GLT1D1: variants seen among roughly 807,000 people sequenced by gnomAD.
The protein encoded by GLT1D1 is glycosyltransferase 1 domain-containing protein 1.
In GLT1D1, 21 loss-of-function variants were observed where a neutral mutation model predicts 28.7. That is an observed-to-expected ratio of 0.73 (90% CI 0.52 to 1.05). GLT1D1 has a LOEUF of 1.05. Among genes scored for constraint, GLT1D1 ranks in the 50% least tolerant of loss-of-function variants. The pLI, the probability that GLT1D1 is intolerant of heterozygous loss-of-function variation, is 0.00. For missense variants in GLT1D1, 343 were observed against 330.6 expected, an observed-to-expected ratio of 1.04 and a Z score of -0.29; for synonymous variants, 147 against 124.8, an observed-to-expected ratio of 1.18 and a Z score of -1.19.
At chr12:128,948,083 G>A (rs1593175764) in intron 6 of GLT1D1, among the ~76,000 whole-genome samples, 1 of 152,144 alleles carries the variant, frequency 6.6e-6, no homozygotes, top group Non-Finnish European at 1.5e-5. Context: ...AGGCTGGAGT[G>A]GGAAGGCCGT....
At chr12:128,931,627 A>G (rs947034388) in intron 4 of GLT1D1, among the ~76,000 whole-genome samples, 3 of 152,098 alleles carry the variant, frequency 2.0e-5, no homozygotes, top group South Asian at 4.2e-4. Context: ...CTACTTCTCT[A>G]TGGAACACGG....
At chr12:128,894,880 T>TTATA (rs146781273) in intron 3 of GLT1D1, among the ~76,000 whole-genome samples, 54 of 148,480 alleles carry the variant, frequency 3.6e-4, no homozygotes, top group East Asian at 7.8e-4. Flanking sequence ...ATATTAAAAA[T>TTATA]TATATATATA....
intron 3 of GLT1D1, among the ~76,000 whole-genome samples, chr12:128,890,062 C>T (rs1207939047): frequency 2.0e-5 from 3 of 152,216 alleles, no homozygotes; most frequent in Non-Finnish European, 4.4e-5. Context: ...GCATGAGATA[C>T]CGTGCCCAGC....
chr12:128,946,791 G>A (rs1876159290), intron 5 of GLT1D1, among the ~76,000 whole-genome samples: 1 of 151,738 alleles, frequency 6.6e-6, no homozygotes, highest in Admixed American at 6.6e-5. Flanking sequence ...TGGGATTACA[G>A]GTGCGCACCA....
At chr12:128,900,271 A>G (rs1041636397) in intron 4 of GLT1D1, among the ~76,000 whole-genome samples, 4 of 152,214 alleles carry the variant, frequency 2.6e-5, no homozygotes, top group African/African-American at 9.6e-5. Context: ...TGCCCTGATC[A>G]TTTGCAGGCG....
intron 2 of GLT1D1, among the ~76,000 whole-genome samples, chr12:128,879,407 T>C (rs1179529597): frequency 5.8e-4 from 59 of 101,016 alleles, no homozygotes; most frequent in African/African-American, 2.1e-3. Context: ...TCTTTCTTTC[T>C]TTCTTTCTTT....
rs571931935 is a variant in GLT1D1, at chr12:128,877,830, T to TG, written c.217+1770dup. 3.9e-4 allele frequency among the ~76,000 whole-genome samples: 59 copies of TG among 152,324 alleles called. No homozygotes were observed. In the South Asian group the frequency reaches 6.0e-3, roughly 15 times the overall value. On this transcript the variant is annotated intron_variant, in intron 2 of 7. Coordinates refer to ENST00000281703, the MANE Select transcript of GLT1D1 (RefSeq NM_144669.3). ...GGCATTCAAAAGCAGCTTAGCTGGG[T>TG]GGTCTGTCTCAGGGTTTCCCATGAG... is the stretch of plus-strand genomic sequence containing the variant.
At chr12:128,920,713 G>A (rs78262406) in intron 4 of GLT1D1, among the ~76,000 whole-genome samples, 8,717 of 152,210 alleles carry the variant, frequency 0.057, 817 homozygotes, top group African/African-American at 0.2. Flanking sequence ...GCTGTTGGCA[G>A]CAATATGCCA....
rs182379635 is a variant in GLT1D1 at position 128,960,887 on chromosome 12, G to A, written c.639+3244G>A. 1.5e-4 allele frequency among the ~76,000 whole-genome samples: 23 copies of A among 152,294 alleles called. No homozygotes were observed. In the East Asian group the frequency reaches 2.3e-3, roughly 15 times the overall value. Reference sequence around the variant, plus strand: ...ACATATATGGAGTATATATTACCATGTATGCTATTCAAATCAATGCTAAAT... The same window carrying A: ...ACATATATGGAGTATATATTACCATATATGCTATTCAAATCAATGCTAAAT... On this transcript the variant is annotated intron_variant, in intron 7 of 7. Transcript: ENST00000281703.
At chr12:128,880,259 G>T (rs1158350269) in intron 2 of GLT1D1, among the ~76,000 whole-genome samples, 3 of 152,122 alleles carry the variant, frequency 2.0e-5, no homozygotes, top group Non-Finnish European at 1.5e-5. Flanking sequence ...CTGAAGTTAG[G>T]TTTGCTTCTT....
In GLT1D1 at chr12:128,947,473, C is replaced by A. The variant is rs778884583; in HGVS notation, c.540+15C>A. On this transcript the variant is annotated intron_variant, in intron 6 of 7. Transcript: ENST00000281703. ...CAATTTTGGAGGTAATTATGTAACT[C>A]GAGTACTGAAAGTGGGAGTGTGAAA... 1 of 1,613,890 alleles carries A rather than the reference C, an allele frequency of 6.2e-7. No individual in the cohort carries two copies. The highest frequency in any genetic ancestry group is 8.5e-7 in the Non-Finnish European group (1 of 1,179,836).
intron 7 of GLT1D1, among the ~76,000 whole-genome samples, chr12:128,961,230 A>G (rs751096121): frequency 2.0e-5 from 3 of 152,220 alleles, no homozygotes; most frequent in Non-Finnish European, 2.9e-5. Context: ...GGAAGCCAGG[A>G]AGTTCCATCA....
intron 7 of GLT1D1, among the ~76,000 whole-genome samples, chr12:128,959,250 G>C (rs112479060): frequency 8.1e-4 from 122 of 151,392 alleles, no homozygotes; most frequent in African/African-American, 2.7e-3. Flanking sequence ...TCAAATACTT[G>C]AATATTCAGT....
At chr12:128,885,885 G>A (rs1486399936) in intron 2 of GLT1D1, among the ~76,000 whole-genome samples, 1 of 152,098 alleles carries the variant, frequency 6.6e-6, no homozygotes, top group African/African-American at 2.4e-5. Flanking sequence ...GTTTTTATTG[G>A]GGGAATATCC....
intron 6 of GLT1D1, among the ~76,000 whole-genome samples, chr12:128,949,881 G>A (rs1876514083): frequency 6.6e-6 from 1 of 152,058 alleles, no homozygotes; most frequent in Non-Finnish European, 1.5e-5. Context: ...CACACGCTCT[G>A]CCTGAGAGAG....
In GLT1D1 at chr12:128,853,513, G is replaced by T. The variant is rs878998569; in HGVS notation, c.-69G>T. On this transcript the variant is annotated 5_prime_UTR_variant, in exon 1 of 8. Transcript: ENST00000281703. ...CCGCCCCGGCTCCCCCGCCGTCCGC[G>T]TCTGCGCCGGCCCCGGGGCCTGGTC... is the stretch of plus-strand genomic sequence containing the variant. 4.2e-5 allele frequency: 42 copies of T among 1,008,198 alleles called. 1 individual carries two copies. In the East Asian group the frequency reaches 1.2e-3, roughly 29 times the overall value. 62.5% of individuals were successfully genotyped at this position (1,008,198 alleles called of 1,614,324 possible). A position where few individuals can be genotyped will look rare whatever the true frequency, so the allele number is the denominator to read the frequency against.
At chr12:128,884,396 A>G (rs193112911) in intron 2 of GLT1D1, among the ~76,000 whole-genome samples, 2 of 152,180 alleles carry the variant, frequency 1.3e-5, no homozygotes, top group Non-Finnish European at 2.9e-5. Flanking sequence ...GGTGCTCAGG[A>G]TTGTGAGGAG....
chr12:128,978,395 T>C (rs1184464467), intron 7 of GLT1D1, among the ~76,000 whole-genome samples: 1 of 152,174 alleles, frequency 6.6e-6, no homozygotes, highest in Non-Finnish European at 1.5e-5. Flanking sequence ...GGCACGGCTC[T>C]CCTCCTCCGT....
intron 4 of GLT1D1, among the ~76,000 whole-genome samples, chr12:128,912,731 C>T (rs977261235): frequency 1.3e-5 from 2 of 150,992 alleles, no homozygotes; most frequent in African/African-American, 2.4e-5. Context: ...TGTGCGATCT[C>T]GGCTTACTGC....
Sources: gnomAD v4.1 joint callset for allele counts (sites outside exome capture counted in the v4.1 genomes callset) on GRCh38, gnomAD v4.1.1 for gene constraint, MANE v1.5 for transcripts, NCBI Gene and HGNC (gene_info 2026-07-23, HGNC 2026-07-21) for gene names.